Variants in MGAT5 observed in about 807,000 individuals in gnomAD.
The protein encoded by MGAT5 is alpha-1,6-mannosylglycoprotein 6-beta-N-acetylglucosaminyltransferase A.
In MGAT5, 30 loss-of-function variants were observed where a neutral mutation model predicts 94.3. The ratio of observed to expected loss-of-function variants is 0.32; its 90% CI spans 0.24 to 0.43. The LOEUF is 0.43. MGAT5 is among the 20% of genes least tolerant of loss of function. The probability of loss-of-function intolerance (pLI) is 1.00; values close to 1 mark genes in which losing one functional copy is unlikely to be tolerated. For synonymous variants in MGAT5, 310 were observed against 322.9 expected, an observed-to-expected ratio of 0.96 and a Z score of 0.43; for missense variants, 691 against 905.5, an observed-to-expected ratio of 0.76 and a Z score of 3.04.
At chr2:134,413,434 T>C (rs764076081) in intron 12 of MGAT5, among the ~76,000 whole-genome samples, 5 of 152,152 alleles carry the variant, frequency 3.3e-5, no homozygotes, top group African/African-American at 4.8e-5. Context: ...CAGGATACCA[T>C]ATGTATCATG....
chr2:134,333,178 C>T (rs1350660991), intron 4 of MGAT5, among the ~76,000 whole-genome samples: 4 of 151,956 alleles, frequency 2.6e-5, no homozygotes, highest in African/African-American at 9.7e-5. Context: ...AGACTTGGAA[C>T]CAACCCAAAT....
chr2:134,378,697 C>G (rs1250980425), intron 10 of MGAT5, among the ~76,000 whole-genome samples: 3 of 151,342 alleles, frequency 2.0e-5, no homozygotes, highest in Non-Finnish European at 4.4e-5. Context: ...CTCACTGCCA[C>G]CTGTGACTCC....
chr2:134,386,591 A>C (rs529354072), intron 10 of MGAT5, among the ~76,000 whole-genome samples: 116 of 152,346 alleles, frequency 7.6e-4, no homozygotes, highest in African/African-American at 2.7e-3. Flanking sequence ...CTGAAGCTCT[A>C]GCCATTAGGG....
chr2:134,245,833 G>A (rs1189009004), intron 1 of MGAT5, among the ~76,000 whole-genome samples: 1 of 152,184 alleles, frequency 6.6e-6, no homozygotes, highest in Non-Finnish European at 1.5e-5. Context: ...CAGATATGGA[G>A]CCCTGAACTC....
intron 2 of MGAT5, among the ~76,000 whole-genome samples, chr2:134,286,015 C>A (rs1684979006): frequency 6.6e-6 from 1 of 152,132 alleles, no homozygotes; most frequent in African/African-American, 2.4e-5. Context: ...TAATAATTTA[C>A]TTCTTATGTT....
At chr2:134,124,115 C>G (rs1015104213) in intron 1 of MGAT5, among the ~76,000 whole-genome samples, 1 of 152,170 alleles carries the variant, frequency 6.6e-6, no homozygotes, top group Non-Finnish European at 1.5e-5. Flanking sequence ...TGGGCTGGTG[C>G]TGGGTATAAA....
At chr2:134,292,626 A>G (rs1304745584) in intron 2 of MGAT5, among the ~76,000 whole-genome samples, 2 of 152,170 alleles carry the variant, frequency 1.3e-5, no homozygotes, top group African/African-American at 4.8e-5. Context: ...ATTTTCTGCT[A>G]TCCCTCACCT....
chr2:134,364,474 T>C lies in MGAT5; in HGVS notation c.1380+2066T>C, dbSNP rs528037108. Among the ~76,000 whole-genome samples, 225 of 151,418 alleles carry C rather than the reference T, an allele frequency of 1.5e-3. 1 individual carries two copies. Among genetic ancestry groups the C allele is most frequent in the African/African-American group, 5.2e-3 (216 of 41,436 alleles). On this transcript the variant is annotated intron_variant, in intron 10 of 15. Coordinates refer to ENST00000281923, the MANE Select transcript of MGAT5 (RefSeq NM_002410.5). ...GAGACCATGCCATTGCACTCCAGCC[T>C]GGGCAACAAGAGTGAAACTCTGTCT...
At chr2:134,391,788 G>A (rs1682428453) in intron 10 of MGAT5, among the ~76,000 whole-genome samples, 1 of 152,200 alleles carries the variant, frequency 6.6e-6, no homozygotes, top group South Asian at 2.1e-4. Context: ...ACAAGGTTGA[G>A]AAGTCATGAG....
chr2:134,391,054 G>A (rs1682372945), intron 10 of MGAT5, among the ~76,000 whole-genome samples: 1 of 152,142 alleles, frequency 6.6e-6, no homozygotes, highest in Non-Finnish European at 1.5e-5. Context: ...ATCTGATCAG[G>A]TCCTTGCCCC....
chr2:134,447,328 G>T (rs78104063), intron 15 of MGAT5, among the ~76,000 whole-genome samples: 3 of 152,238 alleles, frequency 2.0e-5, no homozygotes, highest in Non-Finnish European at 2.9e-5. Flanking sequence ...TAGCCCATCC[G>T]ATGTCTGCCA....
intron 1 of MGAT5, among the ~76,000 whole-genome samples, chr2:134,145,528 A>G (rs1419095753): frequency 2.0e-5 from 3 of 152,250 alleles, no homozygotes; most frequent in East Asian, 1.9e-4. Flanking sequence ...CCTGGGCGAC[A>G]GAGCGAGACT....
intron 2 of MGAT5, among the ~76,000 whole-genome samples, chr2:134,313,676 C>T (rs1686834067): frequency 6.6e-6 from 1 of 152,162 alleles, no homozygotes. Flanking sequence ...AGTTACATAT[C>T]TTGGCAGGAT....
chr2:134,355,652 C>T (rs1019575716), intron 9 of MGAT5, among the ~76,000 whole-genome samples: 6 of 152,166 alleles, frequency 3.9e-5, no homozygotes, highest in African/African-American at 9.7e-5. Context: ...AAAATAAGAG[C>T]GAAGGCATTT....
chr2:134,336,240 A>G lies in MGAT5; in HGVS notation c.597A>G (p.Leu199=). The change falls in exon 5 of 16, where the codon TTA becomes TTG. Residue 199 remains leucine (L), a synonymous_variant. Coordinates refer to ENST00000281923, the MANE Select transcript of MGAT5 (RefSeq NM_002410.5). ...AGGTTGAAAATTGGTGTCCTCATTT[A>G]CCTTGGAGAGCAAAAAATCCCTACG... The part of the protein sequence containing the change: ...LSEVENWCPH[L]PWRAKNPYEE... 4 of 1,612,848 alleles carry G rather than the reference A, an allele frequency of 2.5e-6. No individual in the cohort carries two copies. In the South Asian group the frequency reaches 4.4e-5, roughly 18 times the overall value.
Position 134,444,586 on chromosome 2 carries a change from A to G in MGAT5, c.2027+2671A>G, listed in dbSNP as rs533334011. Among the ~76,000 whole-genome samples the G allele has an allele frequency of 3.3e-5, 5 of 152,320 alleles. No individual in the cohort carries two copies. The East Asian group carries it at 9.7e-4, about 29-fold the overall frequency. On this transcript the variant is annotated intron_variant, in intron 15 of 15. Coordinates refer to ENST00000281923, the MANE Select transcript of MGAT5 (RefSeq NM_002410.5). ...GTGGAGGTGATCCTGGCCCATCCAT[A>G]TTCATAGCCAATTAGCAATTAGCAG...
At chr2:134,145,214 C>CTCTCTGTGTGTGTGTGTGTGTGTGTGTG (rs373377770) in intron 1 of MGAT5, among the ~76,000 whole-genome samples, 2 of 143,870 alleles carry the variant, frequency 1.4e-5, no homozygotes, top group East Asian at 2.0e-4. Context: ...GTCTCTCTCT[C>CTCTCTGTGTGTGTGTGTGTGTGTGTGTG]TGTGTGTGTG....
intron 1 of MGAT5, among the ~76,000 whole-genome samples, chr2:134,203,902 A>G (rs1024045906): frequency 6.6e-5 from 10 of 152,108 alleles, no homozygotes; most frequent in Non-Finnish European, 1.5e-4. Context: ...GAAAAATGTG[A>G]TGGTAGCTAC....
intron 14 of MGAT5, among the ~76,000 whole-genome samples, chr2:134,432,676 G>A (rs891454121): frequency 6.6e-6 from 1 of 152,242 alleles, no homozygotes; most frequent in Non-Finnish European, 1.5e-5. Flanking sequence ...CTGACTGCCT[G>A]GGTTCACATC....
Sources: allele counts gnomAD v4.1 joint callset (sites outside exome capture counted in the v4.1 genomes callset), GRCh38; gene constraint gnomAD v4.1.1; transcripts MANE v1.5; gene names NCBI Gene and HGNC (gene_info 2026-07-23, HGNC 2026-07-21).